Variants in CDH13 observed in about 807,000 individuals in gnomAD.
CDH13 encodes the protein cadherin 13, also known as cadherin-13.
In CDH13, 24 loss-of-function variants were observed where a neutral mutation model predicts 63.8. That is an observed-to-expected ratio of 0.38 (90% CI 0.27 to 0.53). The LOEUF is 0.53. Ranked by LOEUF, CDH13 falls within the 20% of genes least tolerant of loss-of-function variation. CDH13 has a pLI of 0.85. For synonymous variants in CDH13, 503 were observed against 355.3 expected, an observed-to-expected ratio of 1.42 and a Z score of -4.67; for missense variants, 1,049 against 903.1, an observed-to-expected ratio of 1.16 and a Z score of -2.07.
intron 5 of CDH13, among the ~76,000 whole-genome samples, chr16:83,298,759 C>A (rs1332985656): frequency 1.3e-5 from 2 of 152,178 alleles, no homozygotes; most frequent in African/African-American, 4.8e-5. Flanking sequence ...CCTCAGTATG[C>A]CTGCTTCACT....
intron 10 of CDH13, among the ~76,000 whole-genome samples, chr16:83,730,546 C>T (rs1910922352): frequency 6.6e-6 from 1 of 152,174 alleles, no homozygotes; most frequent in Non-Finnish European, 1.5e-5. Flanking sequence ...ATGAAAAGTT[C>T]AACACACTAA....
At chr16:82,883,373 C>G (rs539930633) in intron 2 of CDH13, among the ~76,000 whole-genome samples, 132 of 152,330 alleles carry the variant, frequency 8.7e-4, no homozygotes, top group Non-Finnish European at 1.7e-3. Flanking sequence ...AAAGCTCTCA[C>G]ACTTGAGTGT....
intron 6 of CDH13, among the ~76,000 whole-genome samples, chr16:83,355,995 C>A (rs959478199): frequency 6.6e-6 from 1 of 152,174 alleles, no homozygotes; most frequent in Non-Finnish European, 1.5e-5. Flanking sequence ...GGTTAGGTGA[C>A]TCCGCCGTGG....
chr16:82,911,684 C>A (rs1269664713), intron 2 of CDH13, among the ~76,000 whole-genome samples: 2 of 152,138 alleles, frequency 1.3e-5, no homozygotes, highest in Non-Finnish European at 2.9e-5. Flanking sequence ...CAGACAGCAC[C>A]TGGTAAACAT....
In CDH13 at chr16:82,630,836, CTGAG is replaced by C. The variant is rs145888079; in HGVS notation, c.45+3706_45+3709del. Reference sequence around the variant, plus strand: ...GCCAACAGTGTTTCTGTGTGCGCGTCTGAGTGAGTGTGTACATCTCTGCATTTTG... The same window carrying C: ...GCCAACAGTGTTTCTGTGTGCGCGTCTGAGTGTGTACATCTCTGCATTTTG... On this transcript the variant is annotated intron_variant, in intron 1 of 13. Coordinates refer to ENST00000567109, the MANE Select transcript of CDH13 (RefSeq NM_001257.5). 1.1e-3 allele frequency among the ~76,000 whole-genome samples: 166 copies of C among 152,320 alleles called. 1 individual carries two copies. The highest frequency in any genetic ancestry group is 3.8e-3 in the African/African-American group (159 of 41,572).
At chr16:83,117,596 C>T (rs1419754327) in intron 3 of CDH13, among the ~76,000 whole-genome samples, 2 of 152,116 alleles carry the variant, frequency 1.3e-5, no homozygotes, top group Non-Finnish European at 2.9e-5. Flanking sequence ...TTAGGCACTG[C>T]ACCATCCGAG....
chr16:83,027,427 G>T (rs66961304), intron 2 of CDH13, among the ~76,000 whole-genome samples: 1 of 152,068 alleles, frequency 6.6e-6, no homozygotes, highest in East Asian at 1.9e-4. Context: ...TTAACAGGGT[G>T]AAGAAGGTGA....
intron 6 of CDH13, among the ~76,000 whole-genome samples, chr16:83,374,669 C>T (rs533805664): frequency 7.4e-4 from 113 of 152,324 alleles, no homozygotes; most frequent in African/African-American, 2.6e-3. Context: ...GTACCTTGCG[C>T]TGTGTGTTCC....
intron 1 of CDH13, among the ~76,000 whole-genome samples, chr16:82,776,581 T>C (rs1469111310): frequency 1.3e-5 from 2 of 152,226 alleles, no homozygotes; most frequent in African/African-American, 2.4e-5. Context: ...AGAATCTCAG[T>C]GCTGTCACTA....
intron 2 of CDH13, among the ~76,000 whole-genome samples, chr16:82,982,812 C>T (rs965419810): frequency 5.3e-5 from 8 of 152,168 alleles, no homozygotes; most frequent in South Asian, 2.1e-4. Context: ...CTAATATTCC[C>T]TCCATTTCCC....
chr16:82,712,132 C>T (rs1472649641), intron 1 of CDH13, among the ~76,000 whole-genome samples: 2 of 152,138 alleles, frequency 1.3e-5, no homozygotes, highest in African/African-American at 2.4e-5. Flanking sequence ...AACAAATCAT[C>T]CAACTGCCTT....
chr16:83,260,590 G>T (rs1011941977), intron 5 of CDH13, among the ~76,000 whole-genome samples: 1 of 152,142 alleles, frequency 6.6e-6, no homozygotes, highest in Non-Finnish European at 1.5e-5. Flanking sequence ...GAGGGACTGA[G>T]ATTCTGCTCC....
At chr16:83,213,712 A>C (rs1378030976) in intron 4 of CDH13, among the ~76,000 whole-genome samples, 1 of 152,170 alleles carries the variant, frequency 6.6e-6, no homozygotes, top group East Asian at 1.9e-4. Flanking sequence ...AAGAGGAAGG[A>C]GTTTTAATCC....
intron 1 of CDH13, among the ~76,000 whole-genome samples, chr16:82,641,358 G>GGGTA (rs979091671): frequency 3.9e-5 from 6 of 152,172 alleles, no homozygotes; most frequent in Non-Finnish European, 8.8e-5. Context: ...GATATGCCCT[G>GGGTA]GGTAGGGTAT....
Position 83,047,007 on chromosome 16 carries a change from C to G in CDH13, c.366+14789C>G, listed in dbSNP as rs1316113189. On this transcript the variant is annotated intron_variant, in intron 3 of 13. Transcript: ENST00000567109. The surrounding 1 kb of genome is among the most constrained non-coding windows in gnomAD (Gnocchi z 4.9). Reference sequence around the variant, plus strand: ...ATGGTTTCCTCAACTGTCTATCTTTCTGCAGCAAATCCTTTGACAGAGAAT... The same window carrying G: ...ATGGTTTCCTCAACTGTCTATCTTTGTGCAGCAAATCCTTTGACAGAGAAT... Among the ~76,000 whole-genome samples the G allele has an allele frequency of 6.6e-6, 1 of 152,218 alleles. No homozygotes were observed. The highest frequency in any genetic ancestry group is 2.4e-5 in the African/African-American group (1 of 41,454).
At chr16:83,789,329 G>A (rs1459903809) in intron 13 of CDH13, among the ~76,000 whole-genome samples, 2 of 144,010 alleles carry the variant, frequency 1.4e-5, no homozygotes, top group African/African-American at 5.1e-5. Flanking sequence ...ACTGAAATTA[G>A]TAGCTTTCTT....
rs552128253 is a variant in CDH13, at chr16:82,736,806, A to G, written c.45+109669A>G. Among the ~76,000 whole-genome samples, 5 of 152,168 alleles carry G rather than the reference A, an allele frequency of 3.3e-5. No homozygotes were observed. The South Asian group carries it at 1.0e-3, about 32-fold the overall frequency. On this transcript the variant is annotated intron_variant, in intron 1 of 13. Coordinates refer to ENST00000567109, the MANE Select transcript of CDH13 (RefSeq NM_001257.5). ...ATTTGATCTGCTATCTTTTCCCACCACTTTAAGAGAAGGACTCTTGATGGG... is the reference window on the plus strand; with the variant it reads ...ATTTGATCTGCTATCTTTTCCCACCGCTTTAAGAGAAGGACTCTTGATGGG...
At chr16:83,221,021 G>A (rs573348622) in intron 5 of CDH13, among the ~76,000 whole-genome samples, 1 of 152,312 alleles carries the variant, frequency 6.6e-6, no homozygotes, top group Admixed American at 6.5e-5. Flanking sequence ...TCACAGATAA[G>A]CAAATAGCTG....
At chr16:82,762,696 G>A (rs2034899458) in intron 1 of CDH13, among the ~76,000 whole-genome samples, 1 of 152,140 alleles carries the variant, frequency 6.6e-6, no homozygotes, top group African/African-American at 2.4e-5. Context: ...TCCTGGAGGG[G>A]TTCCCTGGAA....
Sources: allele counts gnomAD v4.1 joint callset (sites outside exome capture counted in the v4.1 genomes callset), GRCh38; gene constraint gnomAD v4.1.1; non-coding constraint Gnocchi (gnomAD v3.1); transcripts MANE v1.5; gene names NCBI Gene and HGNC (gene_info 2026-07-23, HGNC 2026-07-21).